Variants in ARHGAP15 observed in about 807,000 individuals in gnomAD.
The protein encoded by ARHGAP15 is Rho GTPase activating protein 15.
ARHGAP15 carries 51 observed loss-of-function variants against 63.7 expected under a neutral mutation model. The ratio of observed to expected loss-of-function variants is 0.80; its 90% CI spans 0.64 to 1.01. ARHGAP15 has a LOEUF of 1.01. Ranked by LOEUF, ARHGAP15 falls within the 50% of genes least tolerant of loss-of-function variation. The pLI, the probability that ARHGAP15 is intolerant of heterozygous loss-of-function variation, is 0.00. For synonymous variants in ARHGAP15, 191 were observed against 193.8 expected, an observed-to-expected ratio of 0.99 and a Z score of 0.12; for missense variants, 560 against 564.6, an observed-to-expected ratio of 0.99 and a Z score of 0.08.
intron 10 of ARHGAP15, among the ~76,000 whole-genome samples, chr2:143,543,363 A>C (rs1695187342): frequency 6.6e-6 from 1 of 151,904 alleles, no homozygotes. Context: ...GTATCTTTTT[A>C]GTTTTTTGCT....
chr2:143,538,698 GT>G (rs1183466499), intron 10 of ARHGAP15, among the ~76,000 whole-genome samples: 2 of 152,182 alleles, frequency 1.3e-5, no homozygotes, highest in African/African-American at 4.8e-5. Context: ...ATTTTCATAT[GT>G]TGAACCAGCC....
chr2:143,531,063 T>G (rs1161660148), intron 10 of ARHGAP15, among the ~76,000 whole-genome samples: 1 of 151,932 alleles, frequency 6.6e-6, no homozygotes, highest in Non-Finnish European at 1.5e-5. Flanking sequence ...AAGCAAAACC[T>G]TTTTCACAGA....
At chr2:143,436,813 C>A in intron 7 of ARHGAP15, 100 bp from the exon 8 acceptor site, 1 of 1,255,778 alleles carries the variant, frequency 8.0e-7, no homozygotes, top group Non-Finnish European at 1.1e-6. Flanking sequence ...AATTACCTTA[C>A]TTCAAATTTC....
At chr2:143,242,924 A>G (rs926930304) in intron 5 of ARHGAP15, among the ~76,000 whole-genome samples, 1 of 152,234 alleles carries the variant, frequency 6.6e-6, no homozygotes, top group Non-Finnish European at 1.5e-5. Flanking sequence ...TTGTGTTTCG[A>G]GTTTCAAAAT....
At chr2:143,620,853 G>T (rs1275436242) in intron 11 of ARHGAP15, among the ~76,000 whole-genome samples, 1 of 152,196 alleles carries the variant, frequency 6.6e-6, no homozygotes, top group Non-Finnish European at 1.5e-5. Flanking sequence ...TCGTTGCAAA[G>T]TAGCCTGAAT....
intron 10 of ARHGAP15, among the ~76,000 whole-genome samples, chr2:143,528,033 G>T (rs541060470): frequency 6.6e-6 from 1 of 152,108 alleles, no homozygotes; most frequent in South Asian, 2.1e-4. Context: ...CTAAACAATT[G>T]AAGTTAGGTT....
chr2:143,547,004 A>G (rs1261264750), intron 10 of ARHGAP15, among the ~76,000 whole-genome samples: 1 of 152,142 alleles, frequency 6.6e-6, no homozygotes, highest in Non-Finnish European at 1.5e-5. Context: ...ATTTCAATTC[A>G]TCATCTTTGG....
intron 6 of ARHGAP15, among the ~76,000 whole-genome samples, chr2:143,290,462 A>T (rs4662319): frequency 0.16 from 23,851 of 152,100 alleles, 2,123 homozygotes; most frequent in Admixed American, 0.29. Flanking sequence ...ATTCAACTAT[A>T]GCCCATTGAT....
chr2:143,478,697 TAGTC>T (rs759402821), intron 8 of ARHGAP15, among the ~76,000 whole-genome samples: 4 of 144,874 alleles, frequency 2.8e-5, no homozygotes, highest in Admixed American at 6.8e-5. Context: ...TTCAAAATAT[TAGTC>T]ATTATTATAA....
intron 10 of ARHGAP15, among the ~76,000 whole-genome samples, chr2:143,523,589 TAA>T (rs1694145886): frequency 1.3e-5 from 2 of 152,142 alleles, no homozygotes; most frequent in East Asian, 1.9e-4. Context: ...ATATTTTATA[TAA>T]GAGTAGTGTT....
chr2:143,354,410 A>C (rs1008248320), intron 6 of ARHGAP15, among the ~76,000 whole-genome samples: 1 of 152,172 alleles, frequency 6.6e-6, no homozygotes, highest in African/African-American at 2.4e-5. Flanking sequence ...ACACAGTAGT[A>C]TTTCAGTACT....
chr2:143,203,100 G>T (rs1240515516), intron 3 of ARHGAP15, among the ~76,000 whole-genome samples: 1 of 151,910 alleles, frequency 6.6e-6, no homozygotes, highest in African/African-American at 2.4e-5. Context: ...ACAGGATATT[G>T]CACTATGATT....
chr2:143,308,202 A>G (rs755752369), intron 6 of ARHGAP15, among the ~76,000 whole-genome samples: 9 of 152,174 alleles, frequency 5.9e-5, no homozygotes, highest in Non-Finnish European at 8.8e-5. Flanking sequence ...CAATAAAAAT[A>G]GAATACCATA....
intron 1 of ARHGAP15, 83 bp from the exon 2 acceptor site, chr2:143,155,394 A>G: frequency 2.4e-6 from 3 of 1,249,744 alleles, no homozygotes; most frequent in Non-Finnish European, 3.3e-6. Flanking sequence ...TAATATCCTA[A>G]TGATTACTAG....
intron 6 of ARHGAP15, among the ~76,000 whole-genome samples, chr2:143,290,237 A>G (rs1682322876): frequency 6.6e-6 from 1 of 152,146 alleles, no homozygotes; most frequent in Admixed American, 6.6e-5. Context: ...GGGTTCAGTA[A>G]AATAGAAGAT....
At chr2:143,191,520 T>A (rs1404319389) in intron 2 of ARHGAP15, among the ~76,000 whole-genome samples, 1 of 152,222 alleles carries the variant, frequency 6.6e-6, no homozygotes, top group Non-Finnish European at 1.5e-5. Context: ...GATTTAAAGA[T>A]GAATAAAACA....
At chr2:143,402,913 G>A (rs909498843) in intron 6 of ARHGAP15, among the ~76,000 whole-genome samples, 1 of 151,790 alleles carries the variant, frequency 6.6e-6, no homozygotes, top group Admixed American at 6.6e-5. Context: ...CATTTCTAGA[G>A]GACAACCTAT....
At chr2:143,613,277 T>G (rs1375101752) in intron 11 of ARHGAP15, among the ~76,000 whole-genome samples, 1 of 152,204 alleles carries the variant, frequency 6.6e-6, no homozygotes, top group Non-Finnish European at 1.5e-5. Flanking sequence ...GCCTTTTCCT[T>G]TGAATTTTCT....
At chr2:143,660,909 GT>G (rs1681733168) in intron 12 of ARHGAP15, among the ~76,000 whole-genome samples, 1 of 152,172 alleles carries the variant, frequency 6.6e-6, no homozygotes, top group South Asian at 2.1e-4. Context: ...ACTTCTTACA[GT>G]TCTGTAGTTT....
Sources: gnomAD v4.1 joint callset for allele counts (sites outside exome capture counted in the v4.1 genomes callset) on GRCh38, gnomAD v4.1.1 for gene constraint, MANE v1.5 for transcripts, NCBI Gene and HGNC (gene_info 2026-07-23, HGNC 2026-07-21) for gene names.